The following NINL variants were observed in gnomAD, a reference collection of about 807,000 sequenced individuals.
The protein encoded by NINL is ninein-like protein.
In NINL, 153 loss-of-function variants were observed where a neutral mutation model predicts 160.3. The ratio of observed to expected loss-of-function variants is 0.95; its 90% CI spans 0.84 to 1.09. The LOEUF is 1.09. Ranked by LOEUF, NINL falls within the 50% of genes least tolerant of loss-of-function variation. NINL has a pLI of 0.00. For synonymous variants in NINL, 800 were observed against 734.8 expected (o/e 1.09, Z -1.43); for missense variants, 1,829 against 1,764.0 (o/e 1.04, Z -0.66).
At chr20:25,544,838 G>C (rs1330973716) in intron 1 of NINL, among the ~76,000 whole-genome samples, 1 of 152,130 alleles carries the variant, frequency 6.6e-6, no homozygotes. Flanking sequence ...ACTTTTACTT[G>C]GTCTAATCAT....
At chr20:25,556,985 C>T (rs1215673792) in intron 1 of NINL, among the ~76,000 whole-genome samples, 1 of 152,180 alleles carries the variant, frequency 6.6e-6, no homozygotes, top group East Asian at 1.9e-4. Context: ...ACAGCTCCCA[C>T]TCCCAGCTGG....
intron 5 of NINL, among the ~76,000 whole-genome samples, chr20:25,508,198 C>T (rs747797802): frequency 2.6e-5 from 4 of 152,158 alleles, no homozygotes; most frequent in Non-Finnish European, 4.4e-5. Flanking sequence ...AAAAGTTGAA[C>T]AAAAAATGGC....
intron 1 of NINL, among the ~76,000 whole-genome samples, chr20:25,561,595 T>C (rs1052607541): frequency 2.0e-5 from 3 of 151,488 alleles, no homozygotes; most frequent in Non-Finnish European, 4.4e-5. Flanking sequence ...GAGGAGCACC[T>C]CTTCCCGGCC....
chr20:25,515,836 T>C lies in NINL; in HGVS notation c.277+1917A>G, dbSNP rs1402607392. Among the ~76,000 whole-genome samples, 3 of 152,272 alleles carry C rather than the reference T, an allele frequency of 2.0e-5. No individual in the cohort carries two copies. The Middle Eastern group carries it at 0.01, about 518-fold the overall frequency. Reference sequence around the variant, plus strand: ...CCCAGGCTGGAATGCAGTGGTGCAATCTCGGCTCACTGCAAGCTCCACGTC... The same window carrying C: ...CCCAGGCTGGAATGCAGTGGTGCAACCTCGGCTCACTGCAAGCTCCACGTC... On this transcript the variant is annotated intron_variant, in intron 3 of 23. Transcript: ENST00000278886.
At chr20:25,496,282 T>C (rs2063750732) in intron 10 of NINL, among the ~76,000 whole-genome samples, 1 of 152,240 alleles carries the variant, frequency 6.6e-6, no homozygotes, top group African/African-American at 2.4e-5. Context: ...CTGGGCTCCT[T>C]CTACCTGCTG....
chr20:25,546,416 T>C (rs66940055), intron 1 of NINL, among the ~76,000 whole-genome samples: 13,491 of 152,034 alleles, frequency 0.089, 988 homozygotes, highest in African/African-American at 0.2. Context: ...ACATCAGAGT[T>C]AGAAGGTACT....
chr20:25,488,655 C>T (rs1455227297), intron 13 of NINL, among the ~76,000 whole-genome samples: 1 of 151,764 alleles, frequency 6.6e-6, no homozygotes, highest in African/African-American at 2.4e-5. Context: ...AGGAGGCTGG[C>T]GAGAATGCAA....
chr20:25,515,501 A>C (rs1185148437), intron 3 of NINL, among the ~76,000 whole-genome samples: 3 of 152,206 alleles, frequency 2.0e-5, no homozygotes, highest in Non-Finnish European at 4.4e-5. Context: ...GAATGAGTTA[A>C]GACTCTGGGA....
In NINL at chr20:25,467,374, G is replaced by T; in HGVS notation, c.3423+15C>A. 6.2e-7 allele frequency: 1 copy of T among 1,601,274 alleles called. No individual in the cohort carries two copies. The highest frequency in any genetic ancestry group is 8.6e-7 in the Non-Finnish European group (1 of 1,168,140). ...AATGGTGGCATGAGCTCCATGCCAG[G>T]CGTCGATACGTCACCTGTCTGTTGA... On this transcript the variant is annotated intron_variant, in intron 19 of 23. Coordinates refer to ENST00000278886, the MANE Select transcript of NINL (RefSeq NM_025176.6).
Position 25,478,927 on chromosome 20 carries a change from T to C in NINL, c.2197A>G (p.Ile733Val). 6.5e-7 allele frequency: 1 copy of C among 1,533,994 alleles called. No homozygotes were observed. The highest frequency in any genetic ancestry group is 8.7e-7 in the Non-Finnish European group (1 of 1,144,166). ...CTCAAAAGAAGCTGGCTGGACCTGATCTGCTGCAGGTGGCTGTGATGCCGC... is the reference window on the plus strand; with the variant it reads ...CTCAAAAGAAGCTGGCTGGACCTGACCTGCTGCAGGTGGCTGTGATGCCGC... ...ALRHHSHLQQ[I>V]RREAEAELSG... The change falls in exon 16 of 24, where the codon ATC (isoleucine) becomes GTC (valine). Residue 733 changes from isoleucine (I) to valine (V), a missense_variant. Ile to Val is a conservative substitution (Grantham distance 29). Coordinates refer to ENST00000278886, the MANE Select transcript of NINL (RefSeq NM_025176.6).
intron 1 of NINL, among the ~76,000 whole-genome samples, chr20:25,579,627 T>C (rs1332533170): frequency 1.3e-5 from 2 of 152,116 alleles, no homozygotes; most frequent in East Asian, 1.9e-4. Flanking sequence ...CTGGTTCAAA[T>C]GGCCCAGGAC....
chr20:25,519,971 C>T (rs148347571), intron 2 of NINL, among the ~76,000 whole-genome samples: 6 of 109,512 alleles, frequency 5.5e-5, no homozygotes, highest in East Asian at 6.4e-4. Flanking sequence ...GCCTGGGTGA[C>T]GAAGTGAGAC....
intron 9 of NINL, among the ~76,000 whole-genome samples, chr20:25,497,830 A>C (rs1249185046): frequency 6.6e-6 from 1 of 152,076 alleles, no homozygotes; most frequent in Admixed American, 6.5e-5. Context: ...GTCCCTTCGA[A>C]ACCTCAATGA....
intron 10 of NINL, among the ~76,000 whole-genome samples, chr20:25,493,521 C>T (rs930765080): frequency 6.6e-6 from 1 of 152,162 alleles, no homozygotes; most frequent in African/African-American, 2.4e-5. Flanking sequence ...ATACTTTCAG[C>T]TCCTAAATGT....
Position 25,463,155 on chromosome 20 carries a change from C to G in NINL, c.3424-614G>C, listed in dbSNP as rs572102282. On this transcript the variant is annotated intron_variant, in intron 19 of 23. Transcript: ENST00000278886. ...GATTTGGCCCCAAACGTCACCAGTG[C>G]CGAGGACAGAAAGCCCTGCTCCAGC... 1.6e-3 allele frequency among the ~76,000 whole-genome samples: 248 copies of G among 152,042 alleles called. 2 individuals are homozygous for G. The highest frequency in any genetic ancestry group is 3.0e-3 in the Non-Finnish European group (205 of 68,010).
chr20:25,555,599 C>T (rs1444582909), intron 1 of NINL, among the ~76,000 whole-genome samples: 6 of 152,204 alleles, frequency 3.9e-5, no homozygotes, highest in Admixed American at 3.9e-4. Context: ...GACGTGGTGG[C>T]TTCTGCCTGT....
chr20:25,565,044 G>C (rs1016434268), intron 1 of NINL, among the ~76,000 whole-genome samples: 1 of 152,142 alleles, frequency 6.6e-6, no homozygotes, highest in Admixed American at 6.5e-5. Flanking sequence ...TTTCAGGGTA[G>C]GGGCAGGAAG....
intron 10 of NINL, 141 bp downstream of exon 10, chr20:25,496,522 C>T: frequency 3.0e-6 from 3 of 1,009,228 alleles, no homozygotes; most frequent in Non-Finnish European, 2.9e-6. Context: ...CCCTGGATTC[C>T]CCCTGACTCA....
At chr20:25,494,012 C>G (rs2063695245) in intron 10 of NINL, among the ~76,000 whole-genome samples, 1 of 152,018 alleles carries the variant, frequency 6.6e-6, no homozygotes, top group Non-Finnish European at 1.5e-5. Context: ...GCCACAGGAG[C>G]CAGTGGCACC....
Sources: allele counts gnomAD v4.1 joint callset (sites outside exome capture counted in the v4.1 genomes callset), GRCh38; gene constraint gnomAD v4.1.1; transcripts MANE v1.5; gene names NCBI Gene and HGNC (gene_info 2026-07-23, HGNC 2026-07-21).